The following PAN3 variants were observed in gnomAD, a reference collection of about 807,000 sequenced individuals.
PAN3 encodes poly(A) specific ribonuclease subunit PAN3, also known as PAN2-PAN3 deadenylation complex subunit PAN3.
PAN3 carries 19 observed loss-of-function variants against 96.2 expected under a neutral mutation model. The ratio of observed to expected loss-of-function variants is 0.20; its 90% CI spans 0.14 to 0.29. The LOEUF (loss-of-function observed/expected upper bound fraction) is 0.29, where lower values mean the gene tolerates loss of function less well. PAN3 is among the 10% of genes least tolerant of loss of function. PAN3 has a pLI of 1.00. For synonymous variants in PAN3, 433 were observed against 406.6 expected, an observed-to-expected ratio of 1.06 and a Z score of -0.78; for missense variants, 882 against 1,108.1, an observed-to-expected ratio of 0.80 and a Z score of 2.90.
At chr13:28,292,212 C>CT (rs1199318909) in intron 18 of PAN3, among the ~76,000 whole-genome samples, 170 bp from the exon 19 acceptor site, 34 of 152,226 alleles carry the variant, frequency 2.2e-4, no homozygotes, top group African/African-American at 7.2e-4. Flanking sequence ...GTAAAAATGT[C>CT]TGAGTCGAAA....
chr13:28,257,736 A>ATT lies in PAN3; in HGVS notation c.1248+1197_1248+1198insTT, dbSNP rs1566235081. Reference sequence around the variant, plus strand: ...TATATAATTAATATATATTATATATAAATTATATATAATATATAATTAATT... The same window carrying ATT: ...TATATAATTAATATATATTATATATATTAATTATATATAATATATAATTAATT... On this transcript the variant is annotated intron_variant, in intron 7 of 18. Coordinates refer to ENST00000380958, the MANE Select transcript of PAN3 (RefSeq NM_175854.8). 4.2e-3 allele frequency among the ~76,000 whole-genome samples: 468 copies of ATT among 110,900 alleles called. 7 individuals carry two copies. The highest frequency in any genetic ancestry group is 0.014 in the African/African-American group (446 of 32,264). The allele number at this position is 110,900 out of a possible 152,430, so 72.8% of individuals were successfully genotyped here. A position where few individuals can be genotyped will look rare whatever the true frequency, so the allele number is the denominator to read the frequency against.
chr13:28,205,853 CTG>C lies in PAN3; in HGVS notation c.852+8509_852+8510del, dbSNP rs199631438. On this transcript the variant is annotated intron_variant, in intron 5 of 18. Transcript: ENST00000380958. ...CTCTTAAAAAACGAAAACAAAAAAA[CTG>C]TTTCTTAAAAAAAAAAAAAAAAGAA... Among the ~76,000 whole-genome samples the C allele has an allele frequency of 2.7e-3, 392 of 147,360 alleles. 1 individual carries two copies. Among genetic ancestry groups the C allele is most frequent in the African/African-American group, 9.2e-3 (367 of 40,040 alleles).
intron 6 of PAN3, among the ~76,000 whole-genome samples, chr13:28,229,456 A>G (rs917688808): frequency 6.6e-6 from 1 of 152,210 alleles, no homozygotes; most frequent in South Asian, 2.1e-4. Context: ...TTGTTCAACT[A>G]TATGTGCCTC....
intron 4 of PAN3, among the ~76,000 whole-genome samples, chr13:28,190,757 A>G (rs1472113569): frequency 1.3e-5 from 2 of 152,184 alleles, no homozygotes; most frequent in Non-Finnish European, 2.9e-5. Context: ...TTCACTCACT[A>G]TCACGAGAAT....
intron 12 of PAN3, among the ~76,000 whole-genome samples, chr13:28,268,907 T>C (rs1050653603): frequency 6.6e-6 from 1 of 152,200 alleles, no homozygotes; most frequent in Non-Finnish European, 1.5e-5. Context: ...GTCATTTTTT[T>C]CCTTTTGCTA....
chr13:28,273,469 G>A (rs1469427605), intron 14 of PAN3, among the ~76,000 whole-genome samples: 1 of 152,058 alleles, frequency 6.6e-6, no homozygotes, highest in Non-Finnish European at 1.5e-5. Context: ...AGGTGTGGTG[G>A]CACACACCTG....
intron 4 of PAN3, among the ~76,000 whole-genome samples, chr13:28,189,439 C>G (rs1318084700): frequency 6.6e-6 from 1 of 151,998 alleles, no homozygotes; most frequent in Non-Finnish European, 1.5e-5. Flanking sequence ...TGGCTTGAAC[C>G]CAGGAAGCAG....
chr13:28,173,903 AAATTGCTTCTGTTT>A (rs1874618938), intron 1 of PAN3, among the ~76,000 whole-genome samples: 2 of 152,218 alleles, frequency 1.3e-5, no homozygotes, highest in Non-Finnish European at 2.9e-5. Flanking sequence ...AGTCTTGAGA[AAATTGCTTCTGTTT>A]ACCATCCAGT....
intron 6 of PAN3, among the ~76,000 whole-genome samples, chr13:28,225,898 G>A (rs928756502): frequency 1.3e-5 from 2 of 152,200 alleles, no homozygotes; most frequent in African/African-American, 4.8e-5. Context: ...TCAACGAATT[G>A]TATAGGTCCA....
intron 14 of PAN3, among the ~76,000 whole-genome samples, chr13:28,276,236 T>C (rs774496715): frequency 1.6e-4 from 25 of 152,246 alleles, no homozygotes; most frequent in Admixed American, 9.2e-4. Context: ...GATGGTAATA[T>C]ACAGCTATGC....
At chr13:28,198,651 G>A (rs1412377985) in intron 5 of PAN3, among the ~76,000 whole-genome samples, 1 of 152,018 alleles carries the variant, frequency 6.6e-6, no homozygotes, top group East Asian at 1.9e-4. Context: ...TAATTATTCT[G>A]TAATATTGTT....
At chr13:28,248,272 C>A (rs1593556638) in intron 6 of PAN3, among the ~76,000 whole-genome samples, 1 of 152,114 alleles carries the variant, frequency 6.6e-6, no homozygotes, top group East Asian at 1.9e-4. Context: ...GGTTTCATAT[C>A]CTGAAACTTT....
intron 5 of PAN3, among the ~76,000 whole-genome samples, chr13:28,212,169 G>C (rs998821973): frequency 7.2e-5 from 11 of 152,278 alleles, no homozygotes; most frequent in African/African-American, 2.6e-4. Context: ...ATCTATACAT[G>C]GCCAGGAGTA....
chr13:28,230,354 A>AAT (rs1882413810), intron 6 of PAN3, among the ~76,000 whole-genome samples: 1 of 152,112 alleles, frequency 6.6e-6, no homozygotes, highest in Non-Finnish European at 1.5e-5. Flanking sequence ...ATACTTAGGA[A>AAT]ATGAGTAGCA....
chr13:28,280,276 T>G (rs1396835509), intron 15 of PAN3, 136 bp from the exon 16 acceptor site: 11 of 1,043,422 alleles, frequency 1.1e-5, no homozygotes, highest in Middle Eastern at 4.9e-4. Context: ...AAGAATGAAC[T>G]TGACTTGCAT....
At chr13:28,200,040 T>C (rs1164154879) in intron 5 of PAN3, among the ~76,000 whole-genome samples, 1 of 152,208 alleles carries the variant, frequency 6.6e-6, no homozygotes, top group African/African-American at 2.4e-5. Flanking sequence ...TGAAGAAACA[T>C]CTTCAGAGAA....
intron 1 of PAN3, among the ~76,000 whole-genome samples, chr13:28,155,167 C>G (rs1414933188): frequency 6.6e-6 from 1 of 152,076 alleles, no homozygotes; most frequent in African/African-American, 2.4e-5. Context: ...GGTCTGATAC[C>G]TCTGCAGGTA....
intron 3 of PAN3, among the ~76,000 whole-genome samples, chr13:28,177,070 A>T (rs1344826369): frequency 6.6e-6 from 1 of 152,156 alleles, no homozygotes. Context: ...AGGGCATTTA[A>T]TATATTTTTT....
chr13:28,239,438 C>G (rs1027213089), intron 6 of PAN3: 1 of 352,912 alleles, frequency 2.8e-6, no homozygotes, highest in Non-Finnish European at 5.5e-6. Context: ...CATATAGATG[C>G]CTTTGGTTCA....
Sources: gnomAD v4.1 joint callset for allele counts (sites outside exome capture counted in the v4.1 genomes callset) on GRCh38, gnomAD v4.1.1 for gene constraint, MANE v1.5 for transcripts, NCBI Gene and HGNC (gene_info 2026-07-23, HGNC 2026-07-21) for gene names.